The following NEB variants were observed in gnomAD, a reference collection of about 807,000 sequenced individuals.
NEB encodes the protein nemaline myopathy type 2.
In NEB, 512 loss-of-function variants were observed where a neutral mutation model predicts 952.2. That is an observed-to-expected ratio of 0.54 (90% confidence interval 0.50 to 0.58). The LOEUF (loss-of-function observed/expected upper bound fraction) is 0.58. NEB is among the 20% of genes least tolerant of loss of function. The pLI is 0.00. For synonymous variants in NEB, 2,900 were observed against 3,149.8 expected (o/e 0.92, Z 2.66); for missense variants, 8,428 against 9,231.1 (o/e 0.91, Z 3.56).
At chr2:151,501,737 C>T (rs1301242860) in intron 167 of NEB, among the ~76,000 whole-genome samples, 1 of 152,028 alleles carries the variant, frequency 6.6e-6, no homozygotes, top group African/African-American at 2.4e-5. Flanking sequence ...TTATGTAGGC[C>T]TTCTCTCAAA....
rs956908294 is a variant in NEB, at chr2:151,525,016, C to T, written c.22272+147G>A. On this transcript the variant is annotated intron_variant, in intron 151 of 181. Transcript: ENST00000397345. ...CCCATTAAGCACAATCAGCTTTTTT[C>T]CTTAAACCCAAACCAATTCTCGCCA... The T allele has an allele frequency of 1.5e-5, 10 of 688,904 alleles. No homozygotes were observed. The African/African-American group carries it at 1.6e-4, about 11-fold the overall frequency. 42.7% of individuals were successfully genotyped at this position (688,904 alleles called of 1,614,324 possible).
intron 78 of NEB, 140 bp from the exon 79 acceptor site, chr2:151,611,006 G>A: frequency 7.3e-6 from 4 of 548,842 alleles, no homozygotes; most frequent in South Asian, 3.4e-5. Flanking sequence ...GCTTTTGGGA[G>A]GTGAGGGAAG....
At chr2:151,622,562 C>G (rs1480329562) in intron 71 of NEB, among the ~76,000 whole-genome samples, 1 of 152,086 alleles carries the variant, frequency 6.6e-6, no homozygotes, top group East Asian at 1.9e-4. Context: ...CTAGCTCTCT[C>G]TTTATGTGTT....
intron 110 of NEB, 127 bp from the exon 111 acceptor site, chr2:151,568,843 T>G: frequency 4.3e-6 from 3 of 692,680 alleles, no homozygotes; most frequent in Non-Finnish European, 7.1e-6. Context: ...AGCGTCTTCT[T>G]GGGAATTTGG....
chr2:151,722,153 A>G (rs2099775875), intron 9 of NEB, among the ~76,000 whole-genome samples: 1 of 152,230 alleles, frequency 6.6e-6, no homozygotes, highest in Non-Finnish European at 1.5e-5. Context: ...TGAGTATAAG[A>G]GGTTCCAGGG....
chr2:151,526,767 G>A (rs1302770667), intron 148 of NEB, 151 bp downstream of exon 148: 8 of 624,822 alleles, frequency 1.3e-5, no homozygotes, highest in Admixed American at 2.7e-5. Flanking sequence ...GACTGCTGGC[G>A]CCCCTCACAG....
chr2:151,547,793 T>C, intron 131 of NEB, 55 bp from the exon 132 acceptor site: 1 of 1,160,764 alleles, frequency 8.6e-7, no homozygotes, highest in Non-Finnish European at 1.3e-6. Flanking sequence ...CGAGGGCATC[T>C]ACTGACTAAT....
In NEB at chr2:151,656,412, C is replaced by T. The variant is rs760134969; in HGVS notation, c.6236G>A (p.Arg2079His). The T allele has an allele frequency of 4.4e-5, 71 of 1,612,714 alleles. 1 individual carries two copies. The highest frequency in any genetic ancestry group is 2.9e-4 in the East Asian group (13 of 44,894). The change falls in exon 49 of 182, where the codon CGC becomes CAC. Residue 2079 changes from arginine to histidine, a missense_variant. This residue lies in a region of NEB where 2,851 missense variants were observed against 2,791.5 expected (regional missense o/e 1.02). Transcript: ENST00000397345. The stretch of plus-strand genomic sequence containing the variant: ...TAATTTGGGATCATCCTCGAGACTG[C>T]GGAAACCAACCATTTTCCCCTTCCC... ...EKGKGKMVGF[R>H]SLEDDPKLVH...
chr2:151,568,570 A>C, intron 111 of NEB, 48 bp downstream of exon 111: 1 of 1,483,510 alleles, frequency 6.7e-7, no homozygotes, highest in Non-Finnish European at 9.3e-7. Context: ...AAAGCTTTGG[A>C]AGTGATATCT....
At position 151,631,231 on chromosome 2, in the gene NEB, C is replaced by T. The variant is rs376726354; in HGVS notation, c.9530G>A (p.Arg3177His). The change falls in exon 66 of 182, where the codon CGC (arginine) becomes CAC (histidine). Residue 3177 changes from arginine to histidine, a missense_variant. Coordinates refer to ENST00000397345, the MANE Select transcript of NEB (RefSeq NM_001164508.2). ...AAATTTCAGCTTGTCCGGAGGCTGGCGGTAGATGTTATCACTCAGTATTTC... is the reference window on the plus strand; with the variant it reads ...AAATTTCAGCTTGTCCGGAGGCTGGTGGTAGATGTTATCACTCAGTATTTC... ...ATEILSDNIY[R>H]QPPDKLKFTS... is the part of the protein sequence containing the mutation. The T allele has an allele frequency of 2.9e-5, 47 of 1,613,764 alleles. No individual in the cohort carries two copies. Among genetic ancestry groups the T allele is most frequent in the South Asian group, 2.2e-5 (2 of 91,084 alleles).
chr2:151,514,513 C>T, intron 158 of NEB, 85 bp from the exon 159 acceptor site: 2 of 1,126,242 alleles, frequency 1.8e-6, no homozygotes, highest in Non-Finnish European at 2.7e-6. Flanking sequence ...AAAACAATTC[C>T]AATTTTTAAA....
At chr2:151,713,891 G>A (rs2099752236) in intron 10 of NEB, among the ~76,000 whole-genome samples, 1 of 152,160 alleles carries the variant, frequency 6.6e-6, no homozygotes, top group East Asian at 1.9e-4. Flanking sequence ...TAACATTAGT[G>A]TAATCACTGC....
rs772885708 is a variant in NEB at position 151,546,175 on chromosome 2, TAGG to T, written c.20466+167_20466+169del. Among the ~76,000 whole-genome samples, 20 of 152,146 alleles carry T rather than the reference TAGG, an allele frequency of 1.3e-4. No individual in the cohort carries two copies. In the East Asian group the frequency reaches 3.9e-3, roughly 29 times the overall value. On this transcript the variant is annotated intron_variant, in intron 134 of 181. Coordinates refer to ENST00000397345, the MANE Select transcript of NEB (RefSeq NM_001164508.2). ...ATTTAACTAAGCTCAGCACCTTTCA[TAGG>T]AGGCACAGATCACATTAAAGTGATA...
chr2:151,526,994 A>G lies in NEB; in HGVS notation c.21869T>C (p.Leu7290Pro), dbSNP rs1257730416. Reference sequence around the variant, plus strand: ...AGTGACAGAAAGCTTGCAACCCTTGAGGAACTCCCGGTCCAGCTTATATTC... The same window carrying G: ...AGTGACAGAAAGCTTGCAACCCTTGGGGAACTCCCGGTCCAGCTTATATTC... ...DFEYKLDREF[L>P]KGCKLSVTDD... The change falls in exon 148 of 182, where the codon CTC becomes CCC. Residue 7290 changes from leucine to proline, a missense_variant. Physicochemically the swap from Leu to Pro is moderately conservative, Grantham distance 98 (BLOSUM62 -3). Coordinates refer to ENST00000397345, the MANE Select transcript of NEB (RefSeq NM_001164508.2). 6.2e-7 allele frequency: 1 copy of G among 1,602,190 alleles called. No individual in the cohort carries two copies. The highest frequency in any genetic ancestry group is 8.5e-7 in the Non-Finnish European group (1 of 1,173,384).
At chr2:151,677,804 T>G (rs1559146222) in intron 33 of NEB, 33 bp from the exon 34 acceptor site, 1 of 1,612,014 alleles carries the variant, frequency 6.2e-7, no homozygotes, top group South Asian at 1.1e-5. Context: ...AGTGAGGGCC[T>G]AGGACAGGGT....
chr2:151,538,314 G>T, intron 138 of NEB, 70 bp from the exon 139 acceptor site: 2 of 1,131,618 alleles, frequency 1.8e-6, no homozygotes, highest in East Asian at 2.3e-5. Context: ...TTTTAAGCAT[G>T]AACTCTCTTG....
At chr2:151,705,803 A>C (rs2099703546) in intron 13 of NEB, among the ~76,000 whole-genome samples, 1 of 152,244 alleles carries the variant, frequency 6.6e-6, no homozygotes, top group South Asian at 2.1e-4. Flanking sequence ...CCATTATTCT[A>C]AATGAAGTAA....
At chr2:151,652,275 G>C (rs1202995439) in intron 52 of NEB, among the ~76,000 whole-genome samples, 1 of 152,114 alleles carries the variant, frequency 6.6e-6, no homozygotes, top group African/African-American at 2.4e-5. Context: ...GCCCAGGCTG[G>C]AGTGCAGTGG....
intron 107 of NEB, among the ~76,000 whole-genome samples, chr2:151,572,223 G>T (rs1394252941): frequency 6.6e-6 from 1 of 152,066 alleles, no homozygotes; most frequent in Non-Finnish European, 1.5e-5. Flanking sequence ...TAGAGATGCT[G>T]AGGCAGGAGC....
Sources: allele counts gnomAD v4.1 joint callset (sites outside exome capture counted in the v4.1 genomes callset), GRCh38; gene constraint gnomAD v4.1.1; regional missense constraint gnomAD v4.1.1; transcripts MANE v1.5; gene names NCBI Gene and HGNC (gene_info 2026-07-23, HGNC 2026-07-21).